The following AUTS2 variants were observed in gnomAD, a reference collection of about 807,000 sequenced individuals.
AUTS2 encodes autism susceptibility gene 2 protein.
A neutral mutation model predicts 112.4 loss-of-function variants in AUTS2; 17 were observed. That is an observed-to-expected ratio of 0.15 (90% CI 0.10 to 0.23). The LOEUF is 0.23. Ranked by LOEUF, AUTS2 falls within the 10% of genes least tolerant of loss-of-function variation. The probability of loss-of-function intolerance (pLI) is 1.00; values close to 1 mark genes in which losing one functional copy is unlikely to be tolerated. For missense variants in AUTS2, 1,510 were observed against 1,701.6 expected (o/e 0.89, Z 1.98); for synonymous variants, 751 against 702.7 (o/e 1.07, Z -1.09).
At chr7:70,175,677 T>A (rs1808949491) in intron 4 of AUTS2, among the ~76,000 whole-genome samples, 1 of 152,136 alleles carries the variant, frequency 6.6e-6, no homozygotes, top group South Asian at 2.1e-4. Context: ...GCAAAAAGAT[T>A]ATGACTTGCC....
chr7:70,724,983 C>T (rs954873305), intron 6 of AUTS2, among the ~76,000 whole-genome samples: 2 of 152,092 alleles, frequency 1.3e-5, no homozygotes, highest in Non-Finnish European at 2.9e-5. Context: ...ATTTCAGAAA[C>T]GTTAGCACAT....
intron 4 of AUTS2, among the ~76,000 whole-genome samples, chr7:70,359,751 C>T (rs945290158): frequency 1.1e-4 from 17 of 152,260 alleles, no homozygotes; most frequent in African/African-American, 3.6e-4. Context: ...TAAATTTCCA[C>T]GTGAGTTTTG....
chr7:70,505,660 C>T (rs1025960991), intron 5 of AUTS2, among the ~76,000 whole-genome samples: 2 of 152,162 alleles, frequency 1.3e-5, no homozygotes, highest in Non-Finnish European at 2.9e-5. Flanking sequence ...CTCCTGTGAA[C>T]CGTGGTTATA....
intron 4 of AUTS2, among the ~76,000 whole-genome samples, chr7:70,339,894 G>A (rs1297414303): frequency 6.6e-6 from 1 of 152,102 alleles, no homozygotes; most frequent in Non-Finnish European, 1.5e-5. Flanking sequence ...TCTGAAAAAA[G>A]TTCAGGCAAA....
Position 69,807,818 on chromosome 7 carries a change from C to G in AUTS2, c.310-91468C>G, listed in dbSNP as rs556583707. ...GCTGGTTTTACCAGCGTGACTGATTCAAGAGAGAGAAAAATGACCTAATCT... is the reference window on the plus strand; with the variant it reads ...GCTGGTTTTACCAGCGTGACTGATTGAAGAGAGAGAAAAATGACCTAATCT... On this transcript the variant is annotated intron_variant, in intron 1 of 18. Coordinates refer to ENST00000342771, the MANE Select transcript of AUTS2 (RefSeq NM_015570.4). Among the ~76,000 whole-genome samples, 45 of 152,022 alleles carry G rather than the reference C, an allele frequency of 3.0e-4. 1 individual carries two copies. In the South Asian group the frequency reaches 8.7e-3, roughly 29 times the overall value.
intron 5 of AUTS2, among the ~76,000 whole-genome samples, chr7:70,613,616 G>A (rs1018508090): frequency 6.6e-6 from 1 of 152,134 alleles, no homozygotes; most frequent in African/African-American, 2.4e-5. Flanking sequence ...CCCCAGGGAT[G>A]GACAGAAGAA....
chr7:70,658,412 T>C (rs1806891515), intron 5 of AUTS2, among the ~76,000 whole-genome samples: 1 of 152,232 alleles, frequency 6.6e-6, no homozygotes, highest in South Asian at 2.1e-4. Flanking sequence ...TTCAAAGCCC[T>C]GCTGCCACCT....
At chr7:70,298,178 G>A (rs1358330845) in intron 4 of AUTS2, among the ~76,000 whole-genome samples, 1 of 151,710 alleles carries the variant, frequency 6.6e-6, no homozygotes, top group African/African-American at 2.4e-5. Context: ...ATTACAGGCG[G>A]CCACCACCAC....
At chr7:70,755,559 C>G (rs569431468) in intron 6 of AUTS2, among the ~76,000 whole-genome samples, 18 of 151,774 alleles carry the variant, frequency 1.2e-4, no homozygotes, top group African/African-American at 3.9e-4. Context: ...CCCAGCTACT[C>G]GGAAGGTTGT....
chr7:70,482,793 G>T (rs933748721), intron 5 of AUTS2, among the ~76,000 whole-genome samples: 2 of 152,124 alleles, frequency 1.3e-5, no homozygotes, highest in Admixed American at 6.6e-5. Flanking sequence ...CCCCATTCCT[G>T]CTGCTTTCTC....
intron 4 of AUTS2, among the ~76,000 whole-genome samples, chr7:70,345,532 CT>C (rs1274517073): frequency 6.6e-6 from 1 of 152,176 alleles, no homozygotes; most frequent in African/African-American, 2.4e-5. Flanking sequence ...TTTCTCCCTT[CT>C]TATAGGGGCA....
chr7:70,583,492 G>A (rs1218329316), intron 5 of AUTS2, among the ~76,000 whole-genome samples: 1 of 152,208 alleles, frequency 6.6e-6, no homozygotes. Context: ...GTAGCCAGTC[G>A]TTAACTCTTT....
At chr7:70,331,551 A>G (rs971444954) in intron 4 of AUTS2, among the ~76,000 whole-genome samples, 1 of 142,944 alleles carries the variant, frequency 7.0e-6, no homozygotes, top group African/African-American at 2.6e-5. Context: ...TCATGTCTCT[A>G]TCTCCTTCAG....
At chr7:70,517,606 T>G (rs1200582551) in intron 5 of AUTS2, among the ~76,000 whole-genome samples, 1 of 148,576 alleles carries the variant, frequency 6.7e-6, no homozygotes, top group Non-Finnish European at 1.5e-5. Flanking sequence ...TATAATTAAA[T>G]AAAATATATA....
intron 5 of AUTS2, among the ~76,000 whole-genome samples, chr7:70,616,477 C>G (rs1036523549): frequency 9.2e-5 from 14 of 152,194 alleles, no homozygotes; most frequent in Non-Finnish European, 1.8e-4. Flanking sequence ...CCCGGTGACA[C>G]CATGTGCCCT....
chr7:70,464,021 C>T (rs921808367), intron 5 of AUTS2, among the ~76,000 whole-genome samples: 6 of 152,158 alleles, frequency 3.9e-5, no homozygotes, highest in Non-Finnish European at 5.9e-5. Context: ...AGCATGCCAC[C>T]AGCCTCTTCC....
At chr7:69,617,944 C>T (rs1250909807) in intron 1 of AUTS2, among the ~76,000 whole-genome samples, 1 of 152,204 alleles carries the variant, frequency 6.6e-6, no homozygotes, top group East Asian at 1.9e-4. Context: ...ACCACAATGG[C>T]TCATGTTTAT....
At chr7:70,174,462 T>C (rs927855745) in intron 4 of AUTS2, among the ~76,000 whole-genome samples, 1 of 152,174 alleles carries the variant, frequency 6.6e-6, no homozygotes, top group Non-Finnish European at 1.5e-5. Context: ...AGATCATTGA[T>C]AAAGGTGGCC....
chr7:70,141,687 T>A (rs1806871833), intron 4 of AUTS2, among the ~76,000 whole-genome samples: 1 of 152,160 alleles, frequency 6.6e-6, no homozygotes, highest in African/African-American at 2.4e-5. Context: ...AACTCTCTAA[T>A]TTCAAGGGCC....
Sources: allele counts gnomAD v4.1 joint callset (sites outside exome capture counted in the v4.1 genomes callset), GRCh38; gene constraint gnomAD v4.1.1; transcripts MANE v1.5; gene names NCBI Gene and HGNC (gene_info 2026-07-23, HGNC 2026-07-21).